The following PCDHGB2 variants were observed in gnomAD, a reference collection of about 807,000 sequenced individuals.
PCDHGB2 encodes the protein protocadherin gamma subfamily B, 2.
PCDHGB2 carries 55 observed loss-of-function variants against 59.3 expected under a neutral mutation model. The observed-to-expected ratio is 0.93, with a 90% confidence interval of 0.75 to 1.16. The LOEUF is 1.16. Ranked by LOEUF, PCDHGB2 falls within the 50% of genes most tolerant of loss-of-function variation. The pLI is 0.00. For synonymous variants in PCDHGB2, 516 were observed against 512.0 expected (o/e 1.01, Z -0.11); for missense variants, 1,228 against 1,198.5 (o/e 1.02, Z -0.36).
In PCDHGB2 at chr5:141,511,999, C is replaced by G. The variant is rs1049440139; in HGVS notation, c.*826C>G. ...GTGGATGGTGGGGGCATGGACAAAG[C>G]TTGACACATCAAGTTATCAAGGCCT... is the stretch of plus-strand genomic sequence containing the variant. On this transcript the variant is annotated 3_prime_UTR_variant, in exon 4 of 4. Coordinates refer to ENST00000522605, the MANE Select transcript of PCDHGB2 (RefSeq NM_018923.3). 6.5e-6 allele frequency: 1 copy of G among 153,016 alleles called. No individual in the cohort carries two copies. Among genetic ancestry groups the G allele is most frequent in the Non-Finnish European group, 1.5e-5 (1 of 68,392 alleles). The allele number at this position is 153,016 out of a possible 1,614,324, so 9.5% of individuals were successfully genotyped here. A position where few individuals can be genotyped will look rare whatever the true frequency, so the allele number is the denominator to read the frequency against.
At position 141,478,749 on chromosome 5, in the gene PCDHGB2, G is replaced by A. The variant is rs1306895064; in HGVS notation, c.2422-16058G>A. On this transcript the variant is annotated intron_variant, in intron 1 of 3. Coordinates refer to ENST00000522605, the MANE Select transcript of PCDHGB2 (RefSeq NM_018923.3). ...GAGTGTGGTTTGTGGTCCCATTTCA[G>A]GGGGAAGATACTTGACTCATCTGTG... The A allele has an allele frequency of 3.3e-6, 5 of 1,524,326 alleles. No homozygotes were observed. The South Asian group carries it at 6.4e-5, about 19-fold the overall frequency. The allele number at this position is 1,524,326 out of a possible 1,614,324, so 94.4% of individuals were successfully genotyped here.
chr5:141,415,522 C>T, intron 1 of PCDHGB2: 1 of 1,614,178 alleles, frequency 6.2e-7, no homozygotes, highest in African/African-American at 1.3e-5. Flanking sequence ...TGCGGACACG[C>T]TCATCAGCCA....
intron 1 of PCDHGB2, chr5:141,399,615 A>G (rs756068630): frequency 1.2e-6 from 2 of 1,613,942 alleles, no homozygotes; most frequent in South Asian, 1.1e-5. Context: ...AGCCTCTGGC[A>G]CTGGCCTCTT....
At chr5:141,381,826 C>CTTTTTTTTTTTTTTTTTTTTTTTTCTTT (rs770630741) in intron 1 of PCDHGB2, among the ~76,000 whole-genome samples, 1 of 74,284 alleles carries the variant, frequency 1.3e-5, no homozygotes, top group Non-Finnish European at 2.4e-5. Context: ...CTTTCTTCTT[C>CTTTTTTTTTTTTTTTTTTTTTTTTCTTT]TTTTTTTTTT....
intron 1 of PCDHGB2, chr5:141,422,813 TAGAACTG>T: frequency 6.2e-7 from 1 of 1,614,192 alleles, no homozygotes; most frequent in Non-Finnish European, 8.5e-7. Flanking sequence ...TTTCGAGACT[TAGAACTG>T]AGAGTGATAG....
In PCDHGB2 at chr5:141,486,217, T is replaced by C; in HGVS notation, c.2422-8590T>C. ...TGCTGGACGTAAATGACAATGCCCC[T>C]TACATCACAGTGACCTCAGAGCTTG... On this transcript the variant is annotated intron_variant, in intron 1 of 3. Coordinates refer to ENST00000522605, the MANE Select transcript of PCDHGB2 (RefSeq NM_018923.3). The surrounding 1 kb of genome is among the most constrained non-coding windows in gnomAD (Gnocchi z 5.0). The C allele has an allele frequency of 6.2e-7, 1 of 1,614,120 alleles. No homozygotes were observed.
At position 141,490,148 on chromosome 5, in the gene PCDHGB2, A is replaced by G. The variant is rs2154582223; in HGVS notation, c.2422-4659A>G. The G allele has an allele frequency of 1.2e-6, 2 of 1,614,232 alleles. No homozygotes were observed. The highest frequency in any genetic ancestry group is 4.5e-5 in the East Asian group (2 of 44,888). On this transcript the variant is annotated intron_variant, in intron 1 of 3. Coordinates refer to ENST00000522605, the MANE Select transcript of PCDHGB2 (RefSeq NM_018923.3). The surrounding 1 kb of genome is among the most constrained non-coding windows in gnomAD (Gnocchi z 5.4). The stretch of plus-strand genomic sequence containing the variant: ...CTAGACCCTAGCAGTGGGGCAATCC[A>G]TGTGTTGGGTCCCATAGACTTTGAG...
chr5:141,415,603 T>C, intron 1 of PCDHGB2: 6 of 1,613,954 alleles, frequency 3.7e-6, no homozygotes, highest in Non-Finnish European at 5.1e-6. Flanking sequence ...GGATACCCCA[T>C]TGGTTCCAGT....
chr5:141,385,111 T>C (rs373196114), intron 1 of PCDHGB2: 1 of 1,614,188 alleles, frequency 6.2e-7, no homozygotes, highest in South Asian at 1.1e-5. Context: ...CGTGCCCACC[T>C]CGCACTTTGT....
intron 1 of PCDHGB2, among the ~76,000 whole-genome samples, chr5:141,479,962 A>G: frequency 6.6e-6 from 1 of 152,226 alleles, no homozygotes; most frequent in Non-Finnish European, 1.5e-5. Context: ...GCAGTTAGTC[A>G]AATGAGGTTC....
rs117623972 is a variant in PCDHGB2 at position 141,503,322 on chromosome 5, C to T, written c.2481-2071C>T. On this transcript the variant is annotated intron_variant, in intron 2 of 3. Transcript: ENST00000522605. Reference sequence around the variant, plus strand: ...GCTCAAGAAAGAATTGTTGGAGGGGCGCGGTGGCTCACGCCTGTAATTCCA... The same window carrying T: ...GCTCAAGAAAGAATTGTTGGAGGGGTGCGGTGGCTCACGCCTGTAATTCCA... Among the ~76,000 whole-genome samples, 216 of 152,126 alleles carry T rather than the reference C, an allele frequency of 1.4e-3. 8 individuals carry two copies. In the East Asian group the frequency reaches 0.038, roughly 27 times the overall value.
At chr5:141,440,912 G>T (rs1281398967) in intron 1 of PCDHGB2, 1 of 152,254 alleles carries the variant, frequency 6.6e-6, no homozygotes, top group Admixed American at 6.5e-5. Context: ...GGGCACTCCT[G>T]TGCTGAGAGT....
intron 1 of PCDHGB2, chr5:141,400,747 G>T (rs2094069778): frequency 5.0e-6 from 3 of 602,662 alleles, no homozygotes; most frequent in African/African-American, 1.9e-5. Context: ...TTTGCTCTTA[G>T]CTTCCTCTCT....
At chr5:141,411,881 G>T (rs1299555823) in intron 1 of PCDHGB2, 2 of 152,114 alleles carry the variant, frequency 1.3e-5, no homozygotes, top group Middle Eastern at 3.2e-3. Flanking sequence ...ACATTTCTAA[G>T]AAATAAATGA....
Position 141,511,380 on chromosome 5 carries a change from C to G in PCDHGB2, c.*207C>G. The G allele has an allele frequency of 7.7e-6, 9 of 1,170,490 alleles. No individual in the cohort carries two copies. The highest frequency in any genetic ancestry group is 1.1e-5 in the Non-Finnish European group (9 of 854,564). 72.5% of individuals were successfully genotyped at this position (1,170,490 alleles called of 1,614,324 possible). A position where few individuals can be genotyped will look rare whatever the true frequency, so the allele number is the denominator to read the frequency against. On this transcript the variant is annotated 3_prime_UTR_variant, in exon 4 of 4. Transcript: ENST00000522605. ...GGGGTTGAATATGCAAAAGCAGTTC[C>G]GCTGGGAACCCCCATCCAATCAACT...
At chr5:141,376,298 C>T in intron 1 of PCDHGB2, 1 of 1,614,206 alleles carries the variant, frequency 6.2e-7, no homozygotes, top group South Asian at 1.1e-5. Context: ...GCCCGGCTCG[C>T]ACTTTGTGGG....
At chr5:141,471,506 G>A (rs2099258630) in intron 1 of PCDHGB2, 1 of 152,214 alleles carries the variant, frequency 6.6e-6, no homozygotes, top group South Asian at 2.1e-4. Flanking sequence ...GCAAGAGAGG[G>A]AGTAAAAATA....
intron 1 of PCDHGB2, chr5:141,418,820 G>A: frequency 6.2e-7 from 1 of 1,613,918 alleles, no homozygotes. Flanking sequence ...AAACATAGAA[G>A]CAAAAGACCG....
chr5:141,374,711 C>G (rs1770761999), intron 1 of PCDHGB2: 7 of 1,609,366 alleles, frequency 4.3e-6, no homozygotes, highest in Non-Finnish European at 5.1e-6. Flanking sequence ...CGTTTACCGC[C>G]TGGTCCTTAC....
Sources: gnomAD v4.1 joint callset for allele counts (sites outside exome capture counted in the v4.1 genomes callset) on GRCh38, gnomAD v4.1.1 for gene constraint, Gnocchi (gnomAD v3.1) non-coding constraint, MANE v1.5 for transcripts, NCBI Gene and HGNC (gene_info 2026-07-23, HGNC 2026-07-21) for gene names.